Variants in SPHKAP observed in about 807,000 individuals in gnomAD.
SPHKAP encodes SPHK1 interactor, AKAP domain containing.
A neutral mutation model predicts 137.5 loss-of-function variants in SPHKAP; 67 were observed. The observed-to-expected ratio is 0.49, with a 90% CI of 0.40 to 0.60. SPHKAP has a LOEUF of 0.60. SPHKAP is among the 20% of genes least tolerant of loss of function. SPHKAP has a pLI of 0.00. For missense variants in SPHKAP, 2,097 were observed against 2,069.3 expected, an observed-to-expected ratio of 1.01 and a Z score of -0.26; for synonymous variants, 813 against 785.3, an observed-to-expected ratio of 1.04 and a Z score of -0.59.
At chr2:228,075,923 G>C (rs926310353) in intron 3 of SPHKAP, among the ~76,000 whole-genome samples, 1 of 152,184 alleles carries the variant, frequency 6.6e-6, no homozygotes, top group Non-Finnish European at 1.5e-5. Context: ...GGTTGGCTGT[G>C]TCCTCACTCA....
At position 228,106,977 on chromosome 2, in the gene SPHKAP, T is replaced by C. The variant is rs200054932; in HGVS notation, c.246+1855A>G. Among the ~76,000 whole-genome samples the C allele has an allele frequency of 7.9e-5, 12 of 152,294 alleles. No homozygotes were observed. The East Asian group carries it at 2.1e-3, about 27-fold the overall frequency. ...TGACAAATAAAATTGAATATACTTA[T>C]TGTGTACAACAAGCTATTTTGAAAT... On this transcript the variant is annotated intron_variant, in intron 3 of 11. Coordinates refer to ENST00000392056, the MANE Select transcript of SPHKAP (RefSeq NM_001142644.2).
At chr2:228,072,232 G>A (rs1697026878) in intron 3 of SPHKAP, among the ~76,000 whole-genome samples, 1 of 152,074 alleles carries the variant, frequency 6.6e-6, no homozygotes, top group African/African-American at 2.4e-5. Flanking sequence ...TGGCTTTCCT[G>A]GGTCTACAGC....
chr2:228,124,999 T>C (rs1699028424), intron 2 of SPHKAP, among the ~76,000 whole-genome samples: 1 of 152,168 alleles, frequency 6.6e-6, no homozygotes, highest in Non-Finnish European at 1.5e-5. Context: ...CTCTTGAAAC[T>C]TCATAAAGCT....
intron 6 of SPHKAP, among the ~76,000 whole-genome samples, chr2:228,020,994 C>T (rs571382364): frequency 1.3e-5 from 2 of 152,124 alleles, no homozygotes; most frequent in African/African-American, 2.4e-5. Flanking sequence ...AGGATGTTTA[C>T]GGCAACCTCA....
At chr2:228,048,806 A>C (rs1696155820) in intron 3 of SPHKAP, among the ~76,000 whole-genome samples, 1 of 152,100 alleles carries the variant, frequency 6.6e-6, no homozygotes, top group Admixed American at 6.6e-5. Context: ...GTTTTTTGAG[A>C]AGTGTCTGTT....
At chr2:228,056,320 A>G (rs1696442735) in intron 3 of SPHKAP, among the ~76,000 whole-genome samples, 1 of 152,234 alleles carries the variant, frequency 6.6e-6, no homozygotes, top group South Asian at 2.1e-4. Flanking sequence ...CTAATTGAAG[A>G]ATGGCCAGGT....
At chr2:227,996,250 C>CAAG in intron 7 of SPHKAP, 2 of 384,254 alleles carry the variant, frequency 5.2e-6, no homozygotes, top group Non-Finnish European at 7.1e-6. Context: ...ATATTTTGTG[C>CAAG]TGTATTTTAC....
intron 3 of SPHKAP, among the ~76,000 whole-genome samples, chr2:228,066,960 T>A (rs1029916813): frequency 1.6e-4 from 24 of 152,240 alleles, no homozygotes; most frequent in Non-Finnish European, 2.5e-4. Context: ...TATTCATGCA[T>A]CCTGTTTCAT....
At chr2:228,042,730 G>A (rs767921207) in intron 3 of SPHKAP, among the ~76,000 whole-genome samples, 33 of 152,236 alleles carry the variant, frequency 2.2e-4, no homozygotes, top group African/African-American at 6.7e-4. Context: ...TTTACTTGGC[G>A]TAAGTATTTA....
intron 3 of SPHKAP, among the ~76,000 whole-genome samples, chr2:228,051,247 A>G (rs1696245689): frequency 6.6e-6 from 1 of 152,210 alleles, no homozygotes. Flanking sequence ...TCCTTTACCT[A>G]AAACTTGTTT....
rs561793644 is a variant in SPHKAP, at chr2:228,170,150, C to T, written c.32+11417G>A. 1.5e-4 allele frequency among the ~76,000 whole-genome samples: 23 copies of T among 152,142 alleles called. 2 individuals carry two copies. The South Asian group carries it at 4.4e-3, about 29-fold the overall frequency. ...GGAGTCTGAAGATATGACTTAATTG[C>T]TGCAATCTCATGATAAAACTTGAAC... On this transcript the variant is annotated intron_variant, in intron 1 of 11. Transcript: ENST00000392056.
At chr2:228,100,073 A>G (rs1470789415) in intron 3 of SPHKAP, among the ~76,000 whole-genome samples, 1 of 151,946 alleles carries the variant, frequency 6.6e-6, no homozygotes, top group Non-Finnish European at 1.5e-5. Context: ...GATGGTCTCG[A>G]TCTCCTGACC....
intron 2 of SPHKAP, among the ~76,000 whole-genome samples, chr2:228,122,433 A>G (rs905643219): frequency 3.3e-5 from 5 of 152,216 alleles, no homozygotes; most frequent in African/African-American, 7.2e-5. Context: ...TACAGAAAAA[A>G]TTGCTGGAGG....
At chr2:227,995,299 C>T (rs575453840) in intron 8 of SPHKAP, among the ~76,000 whole-genome samples, 24 of 152,304 alleles carry the variant, frequency 1.6e-4, no homozygotes, top group South Asian at 4.1e-4. Flanking sequence ...TTCTTAATCA[C>T]GGCCAAAGTA....
intron 3 of SPHKAP, among the ~76,000 whole-genome samples, chr2:228,084,306 A>G (rs1184444461): frequency 1.3e-5 from 2 of 152,202 alleles, no homozygotes; most frequent in Non-Finnish European, 2.9e-5. Flanking sequence ...AAATATTACT[A>G]TAGTTAATAA....
intron 3 of SPHKAP, among the ~76,000 whole-genome samples, chr2:228,032,265 T>C (rs1252616996): frequency 3.3e-5 from 5 of 151,898 alleles, no homozygotes; most frequent in Non-Finnish European, 5.9e-5. Flanking sequence ...TGCGATCAAC[T>C]GGAAGAAAGG....
chr2:228,104,145 A>G (rs1487506203), intron 3 of SPHKAP, among the ~76,000 whole-genome samples: 1 of 149,658 alleles, frequency 6.7e-6, no homozygotes, highest in Admixed American at 6.7e-5. Flanking sequence ...AAACTTCATA[A>G]CTATCTGCAC....
chr2:228,052,558 ATT>A, intron 3 of SPHKAP, among the ~76,000 whole-genome samples: 1 of 152,090 alleles, frequency 6.6e-6, no homozygotes, highest in East Asian at 1.9e-4. Flanking sequence ...GAGTAAAATA[ATT>A]TTTTTTGCAA....
At chr2:228,085,983 A>C (rs1470311533) in intron 3 of SPHKAP, among the ~76,000 whole-genome samples, 2 of 152,210 alleles carry the variant, frequency 1.3e-5, no homozygotes, top group Non-Finnish European at 2.9e-5. Context: ...CTAACAGAAG[A>C]CATGAAACTG....
Sources: allele counts gnomAD v4.1 joint callset (sites outside exome capture counted in the v4.1 genomes callset), GRCh38; gene constraint gnomAD v4.1.1; transcripts MANE v1.5; gene names NCBI Gene and HGNC (gene_info 2026-07-23, HGNC 2026-07-21).